DEK: variants seen among roughly 807,000 people sequenced by gnomAD.
DEK encodes the protein DEK proto-oncogene, also known as protein DEK.
A neutral mutation model predicts 46.8 loss-of-function variants in DEK; 28 were observed. The observed-to-expected ratio is 0.60, with a 90% CI of 0.44 to 0.82. The LOEUF (loss-of-function observed/expected upper bound fraction) is 0.82. Among genes scored for constraint, DEK ranks in the 40% least tolerant of loss-of-function variants. DEK has a pLI of 0.00. For synonymous variants in DEK, 160 were observed against 144.5 expected (o/e 1.11, Z -0.77); for missense variants, 416 against 430.6 (o/e 0.97, Z 0.30).
chr6:18,233,753 T>TG (rs200932658), intron 9 of DEK, among the ~76,000 whole-genome samples: 103,400 of 150,908 alleles, frequency 0.69, 36,106 homozygotes, highest in African/African-American at 0.82. Context: ...CTGGTGGGAC[T>TG]TTAACTAGTT....
chr6:18,243,951 AG>A (rs371482580), intron 7 of DEK, among the ~76,000 whole-genome samples: 107 of 152,336 alleles, frequency 7.0e-4, no homozygotes, highest in African/African-American at 2.5e-3. Context: ...TGGGCAACAG[AG>A]TAAGACGTAC....
intron 4 of DEK, among the ~76,000 whole-genome samples, chr6:18,257,609 G>A (rs1250813615): frequency 6.6e-6 from 1 of 152,102 alleles, no homozygotes; most frequent in African/African-American, 2.4e-5. Context: ...CCAGCTACTT[G>A]GGAGGCTTAA....
At chr6:18,232,418 C>CA (rs1212939123) in intron 9 of DEK, among the ~76,000 whole-genome samples, 16 of 152,162 alleles carry the variant, frequency 1.1e-4, no homozygotes, top group Non-Finnish European at 2.4e-4. Context: ...AAGAGGAACT[C>CA]AAATTGTCCC....
chr6:18,248,940 C>G (rs188944350), intron 7 of DEK, among the ~76,000 whole-genome samples: 1 of 152,102 alleles, frequency 6.6e-6, no homozygotes, highest in African/African-American at 2.4e-5. Context: ...AACCTTTGAA[C>G]GAAAACATCA....
chr6:18,246,457 G>C (rs1791118757), intron 7 of DEK, among the ~76,000 whole-genome samples: 1 of 152,156 alleles, frequency 6.6e-6, no homozygotes, highest in African/African-American at 2.4e-5. Context: ...TAAAAACAGA[G>C]GTAGAGGTAC....
chr6:18,262,717 T>C (rs1389426570), intron 2 of DEK, among the ~76,000 whole-genome samples: 2 of 152,238 alleles, frequency 1.3e-5, no homozygotes, highest in Non-Finnish European at 1.5e-5. Flanking sequence ...CAGAGCCTCT[T>C]TGGCTAGCAG....
chr6:18,234,194 G>C (rs540142523), intron 9 of DEK, among the ~76,000 whole-genome samples: 2 of 150,920 alleles, frequency 1.3e-5, no homozygotes, highest in Non-Finnish European at 3.0e-5. Context: ...TTGTGGGGTG[G>C]GGGGGACGGG....
At position 18,224,984 on chromosome 6, in the gene DEK, T is replaced by C. The variant is rs559637735; in HGVS notation, c.*735A>G. 31 of 217,506 alleles carry C rather than the reference T, an allele frequency of 1.4e-4. No individual in the cohort carries two copies. In the South Asian group the frequency reaches 5.4e-3, roughly 38 times the overall value. 13.5% of individuals were successfully genotyped at this position (217,506 alleles called of 1,614,324 possible). A position where few individuals can be genotyped will look rare whatever the true frequency, so the allele number is the denominator to read the frequency against. On this transcript the variant is annotated 3_prime_UTR_variant, in exon 11 of 11. Coordinates refer to ENST00000652689, the MANE Select transcript of DEK (RefSeq NM_003472.4). ...ACTGTTCCTTCAGTGTTGCCATCAC[T>C]GAATTGACTTTCACTGTTCCATCAT...
chr6:18,261,464 C>T (rs752033066), intron 2 of DEK, among the ~76,000 whole-genome samples: 2 of 152,070 alleles, frequency 1.3e-5, no homozygotes, highest in Admixed American at 6.6e-5. Context: ...CCCAGCTACT[C>T]GAGAGGCTGA....
At chr6:18,260,771 C>G (rs1308657755) in intron 2 of DEK, among the ~76,000 whole-genome samples, 1 of 152,062 alleles carries the variant, frequency 6.6e-6, no homozygotes, top group African/African-American at 2.4e-5. Flanking sequence ...GAGGCAGAGA[C>G]GGGCAGGTCA....
intron 7 of DEK, among the ~76,000 whole-genome samples, chr6:18,237,858 ATCT>A (rs1387017098): frequency 7.5e-6 from 1 of 134,196 alleles, no homozygotes; most frequent in Admixed American, 7.5e-5. Context: ...TTCAACTGGA[ATCT>A]TTTTTTTTTT....
At chr6:18,235,667 T>C (rs1272143460) in intron 9 of DEK, among the ~76,000 whole-genome samples, 2 of 152,210 alleles carry the variant, frequency 1.3e-5, no homozygotes, top group East Asian at 3.9e-4. Context: ...AAATTTTTTT[T>C]TGGTAGAGAC....
intron 9 of DEK, among the ~76,000 whole-genome samples, chr6:18,227,109 T>C (rs577758680): frequency 1.2e-4 from 18 of 152,228 alleles, no homozygotes; most frequent in East Asian, 5.8e-4. Flanking sequence ...GTCTGAAATA[T>C]GGCCTCGTGA....
At chr6:18,249,076 T>C (rs1030312280) in intron 7 of DEK, among the ~76,000 whole-genome samples, 1 of 152,174 alleles carries the variant, frequency 6.6e-6, no homozygotes, top group African/African-American at 2.4e-5. Flanking sequence ...GCAGTTCTCT[T>C]CTTCATGAAG....
At chr6:18,243,319 G>A (rs1399657474) in intron 7 of DEK, among the ~76,000 whole-genome samples, 1 of 137,328 alleles carries the variant, frequency 7.3e-6, no homozygotes, top group South Asian at 2.4e-4. Context: ...CAGAGGACGT[G>A]TCTCATTTTT....
chr6:18,227,876 G>T (rs1359974006), intron 9 of DEK, among the ~76,000 whole-genome samples: 3 of 152,170 alleles, frequency 2.0e-5, no homozygotes, highest in Non-Finnish European at 4.4e-5. Flanking sequence ...CCCTACCTAT[G>T]ATTCCACAAC....
chr6:18,243,878 G>T (rs1217960460), intron 7 of DEK, among the ~76,000 whole-genome samples: 4 of 152,096 alleles, frequency 2.6e-5, no homozygotes, highest in African/African-American at 9.7e-5. Context: ...TTGGTGGCAG[G>T]ATCACTTGAA....
At chr6:18,261,558 C>G (rs55795831) in intron 2 of DEK, among the ~76,000 whole-genome samples, 24,765 of 152,100 alleles carry the variant, frequency 0.16, 2,401 homozygotes, top group East Asian at 0.25. Flanking sequence ...GCAACGAGAG[C>G]GAAACTCCGT....
At position 18,231,067 on chromosome 6, in the gene DEK, C is replaced by A. The variant is rs565681298; in HGVS notation, c.1048-4825G>T. Among the ~76,000 whole-genome samples the A allele has an allele frequency of 6.2e-4, 94 of 152,318 alleles. 1 individual carries two copies. Among genetic ancestry groups the A allele is most frequent in the African/African-American group, 2.2e-3 (90 of 41,572 alleles). On this transcript the variant is annotated intron_variant, in intron 9 of 10. Transcript: ENST00000652689. ...CTAGAACTCAGGATTAAGAAACTCA[C>A]TCAAAACAGCTCAACTACATGGAAA...
Sources: gnomAD v4.1 joint callset for allele counts (sites outside exome capture counted in the v4.1 genomes callset) on GRCh38, gnomAD v4.1.1 for gene constraint, MANE v1.5 for transcripts, NCBI Gene and HGNC (gene_info 2026-07-23, HGNC 2026-07-21) for gene names.